The following DENND4C variants were observed in gnomAD, a reference collection of about 807,000 sequenced individuals.
DENND4C encodes DENN domain-containing protein 4C.
In DENND4C, 108 loss-of-function variants were observed where a neutral mutation model predicts 203.0. The observed-to-expected ratio is 0.53, with a 90% CI of 0.46 to 0.62. DENND4C has a LOEUF of 0.62. DENND4C is among the 20% of genes least tolerant of loss of function. The pLI, the probability that DENND4C is intolerant of heterozygous loss-of-function variation, is 0.00. For missense variants in DENND4C, 2,481 were observed against 2,301.2 expected, an observed-to-expected ratio of 1.08 and a Z score of -1.60; for synonymous variants, 871 against 792.4, an observed-to-expected ratio of 1.10 and a Z score of -1.67.
intron 2 of DENND4C, among the ~76,000 whole-genome samples, chr9:19,284,045 T>A (rs1422327105): frequency 3.9e-5 from 6 of 152,230 alleles, no homozygotes; most frequent in African/African-American, 1.4e-4. Flanking sequence ...TAAACTATTA[T>A]AATACACAAG....
At position 19,326,198 on chromosome 9, in the gene DENND4C, G is replaced by A. The variant is rs1015266653; in HGVS notation, c.2120+4G>A. On this transcript the variant is annotated splice_donor_region_variant and intron_variant, in intron 15 of 32. Coordinates refer to ENST00000434457, the MANE Select transcript of DENND4C (RefSeq NM_001330640.2). The stretch of plus-strand genomic sequence containing the variant: ...AGGACCTGTCACCAAAGTACAGGTA[G>A]TAGGAAGTTTTAAAAGAGCTTAATG... 2.5e-6 allele frequency: 4 copies of A among 1,601,324 alleles called. No homozygotes were observed. Among genetic ancestry groups the A allele is most frequent in the African/African-American group, 2.7e-5 (2 of 73,982 alleles).
At chr9:19,340,895 G>A (rs763494506) in intron 20 of DENND4C, 97 bp from the exon 21 acceptor site, 11 of 1,104,278 alleles carry the variant, frequency 1.0e-5, no homozygotes, top group East Asian at 3.0e-5. Flanking sequence ...TTGTCTAACC[G>A]TAATTGTGTA....
At chr9:19,254,097 T>C (rs971024074) in intron 1 of DENND4C, among the ~76,000 whole-genome samples, 1 of 151,496 alleles carries the variant, frequency 6.6e-6, no homozygotes, top group African/African-American at 2.4e-5. Context: ...AAAGTATCAA[T>C]ATGGGTATGG....
intron 13 of DENND4C, 140 bp downstream of exon 13, chr9:19,324,647 G>A: frequency 6.0e-6 from 5 of 828,710 alleles, no homozygotes; most frequent in Non-Finnish European, 5.5e-6. Flanking sequence ...TACCGATTCT[G>A]GGCTGAATAT....
chr9:19,262,076 CTTTTTTT>C (rs60223074), intron 1 of DENND4C, among the ~76,000 whole-genome samples: 1 of 55,444 alleles, frequency 1.8e-5, no homozygotes, highest in Admixed American at 3.0e-4. Context: ...TTTATTAGTT[CTTTTTTT>C]TTTTTTTTTT....
intron 20 of DENND4C, among the ~76,000 whole-genome samples, chr9:19,339,891 G>A (rs149753710): frequency 2.6e-5 from 4 of 152,160 alleles, no homozygotes; most frequent in Non-Finnish European, 4.4e-5. Context: ...ATGGACTGAT[G>A]TACTCCTGTT....
intron 9 of DENND4C, among the ~76,000 whole-genome samples, chr9:19,301,540 G>T (rs1169333661): frequency 6.6e-6 from 1 of 152,208 alleles, no homozygotes; most frequent in Non-Finnish European, 1.5e-5. Flanking sequence ...CTTCCAGGAG[G>T]ATCCTCATTA....
chr9:19,253,329 A>G (rs555655303), intron 1 of DENND4C, among the ~76,000 whole-genome samples: 8 of 152,280 alleles, frequency 5.3e-5, no homozygotes, highest in African/African-American at 1.9e-4. Context: ...ATCATGCCCA[A>G]CGCCTTTTAG....
intron 20 of DENND4C, among the ~76,000 whole-genome samples, chr9:19,339,624 CTATAA>C (rs1452663579): frequency 3.9e-5 from 6 of 152,088 alleles, no homozygotes; most frequent in Non-Finnish European, 8.8e-5. Flanking sequence ...TGGATAGTTA[CTATAA>C]TATTTTTTTC....
chr9:19,285,015 A>G (rs545087074), intron 2 of DENND4C, among the ~76,000 whole-genome samples: 4 of 152,264 alleles, frequency 2.6e-5, no homozygotes, highest in African/African-American at 9.6e-5. Flanking sequence ...TAGATCTGTG[A>G]TCCACCGGGG....
At chr9:19,361,014 C>T (rs1161486339) in intron 29 of DENND4C, among the ~76,000 whole-genome samples, 1 of 152,164 alleles carries the variant, frequency 6.6e-6, no homozygotes, top group Non-Finnish European at 1.5e-5. Flanking sequence ...GCTGGGATTA[C>T]AGGCACCCAC....
chr9:19,355,074 T>C (rs1289416303), intron 26 of DENND4C, among the ~76,000 whole-genome samples: 1 of 151,824 alleles, frequency 6.6e-6, no homozygotes, highest in Non-Finnish European at 1.5e-5. Flanking sequence ...CACGCCCGGC[T>C]AATTTTTTTG....
intron 2 of DENND4C, among the ~76,000 whole-genome samples, chr9:19,278,956 C>G (rs1833476032): frequency 6.6e-6 from 1 of 152,112 alleles, no homozygotes; most frequent in South Asian, 2.1e-4. Context: ...CAGTATTGTC[C>G]AAAAGACCTG....
At chr9:19,355,596 A>G (rs1258362137) in intron 26 of DENND4C, among the ~76,000 whole-genome samples, 2 of 152,096 alleles carry the variant, frequency 1.3e-5, no homozygotes, top group Non-Finnish European at 1.5e-5. Context: ...GTTCCCATGT[A>G]TACCTCACTT....
chr9:19,336,656 T>C (rs1820543758), intron 19 of DENND4C, 30 bp from the exon 20 acceptor site: 3 of 1,542,932 alleles, frequency 1.9e-6, no homozygotes, highest in East Asian at 2.5e-5. Context: ...AATGCATGAG[T>C]TATTGAACTG....
intron 5 of DENND4C, among the ~76,000 whole-genome samples, chr9:19,291,997 A>C (rs1011635558): frequency 1.3e-5 from 2 of 152,094 alleles, no homozygotes; most frequent in East Asian, 3.9e-4. Flanking sequence ...AGAGAAAAAT[A>C]AACAAATAAG....
At position 19,331,428 on chromosome 9, in the gene DENND4C, C is replaced by A. The variant is rs548114835; in HGVS notation, c.2254-550C>A. Among the ~76,000 whole-genome samples, 12 of 152,170 alleles carry A rather than the reference C, an allele frequency of 7.9e-5. No individual in the cohort carries two copies. In the East Asian group the frequency reaches 2.3e-3, roughly 30 times the overall value. On this transcript the variant is annotated intron_variant, in intron 16 of 32. Coordinates refer to ENST00000434457, the MANE Select transcript of DENND4C (RefSeq NM_001330640.2). ...ATGTTGGCCAGGCTGGTCTTGATCTCCTGACCTCGTGATCCATCTGCCTTG... is the reference window on the plus strand; with the variant it reads ...ATGTTGGCCAGGCTGGTCTTGATCTACTGACCTCGTGATCCATCTGCCTTG...
chr9:19,335,822 AG>A (rs1820335322), intron 18 of DENND4C, among the ~76,000 whole-genome samples: 1 of 152,124 alleles, frequency 6.6e-6, no homozygotes, highest in Non-Finnish European at 1.5e-5. Context: ...TAAACATGGG[AG>A]TACAGATCTC....
intron 1 of DENND4C, among the ~76,000 whole-genome samples, chr9:19,241,960 A>G (rs1326884736): frequency 6.6e-6 from 1 of 151,096 alleles, no homozygotes; most frequent in African/African-American, 2.4e-5. Context: ...GGAATCTGAG[A>G]TGGGCGGATT....
Sources: gnomAD v4.1 joint callset for allele counts (sites outside exome capture counted in the v4.1 genomes callset) on GRCh38, gnomAD v4.1.1 for gene constraint, MANE v1.5 for transcripts, NCBI Gene and HGNC (gene_info 2026-07-23, HGNC 2026-07-21) for gene names.